SCGB2A1: variants seen among roughly 807,000 people sequenced by gnomAD.
SCGB2A1 encodes mammaglobin-B.
SCGB2A1 carries 6 observed loss-of-function variants against 9.2 expected under a neutral mutation model. The observed-to-expected ratio is 0.66, with a 90% CI of 0.36 to 1.29. SCGB2A1 has a LOEUF of 1.29. SCGB2A1 is among the 50% of genes most tolerant of loss of function. The probability of loss-of-function intolerance (pLI) is 0.03; values close to 1 mark genes in which losing one functional copy is unlikely to be tolerated. For missense variants in SCGB2A1, 138 were observed against 116.9 expected (o/e 1.18, Z -0.83); for synonymous variants, 37 against 41.0 (o/e 0.90, Z 0.37).
At chr11:62,212,800 A>G (rs550315176) in intron 2 of SCGB2A1, among the ~76,000 whole-genome samples, 31 of 151,938 alleles carry the variant, frequency 2.0e-4, no homozygotes, top group African/African-American at 7.2e-4. Context: ...CAGTGGTACA[A>G]TCACAGCTCA....
At chr11:62,211,369 C>T (rs974617884) in intron 2 of SCGB2A1, among the ~76,000 whole-genome samples, 7 of 151,702 alleles carry the variant, frequency 4.6e-5, no homozygotes, top group African/African-American at 7.3e-5. Context: ...TCAGAAAATA[C>T]AATTTGTGCA....
In SCGB2A1 at chr11:62,213,099, TATA is replaced by T. The variant is rs1565121584; in HGVS notation, c.244-626_244-624del. 1.4e-3 allele frequency among the ~76,000 whole-genome samples: 57 copies of T among 42,200 alleles called. 3 individuals carry two copies. The highest frequency in any genetic ancestry group is 2.6e-3 in the African/African-American group (51 of 19,306). The allele number at this position is 42,200 out of a possible 152,430, so 27.7% of individuals were successfully genotyped here. ...ATATACACATATATACACATATATA[TATA>T]TATATTTTTTTTTTTGTAGAGATGG... On this transcript the variant is annotated intron_variant, in intron 2 of 2. Transcript: ENST00000244930.
chr11:62,209,230 A>G (rs1007706872), intron 1 of SCGB2A1, among the ~76,000 whole-genome samples: 2 of 151,968 alleles, frequency 1.3e-5, no homozygotes, highest in Non-Finnish European at 2.9e-5. Flanking sequence ...TGTGTGGCTC[A>G]CTCTGTGTTC....
At chr11:62,210,296 C>A (rs913262989) in intron 1 of SCGB2A1, 117 bp from the exon 2 acceptor site, 2 of 1,265,076 alleles carry the variant, frequency 1.6e-6, no homozygotes, top group East Asian at 2.7e-5. Flanking sequence ...TTCTGAACCT[C>A]GGTCTGTCCC....
intron 2 of SCGB2A1, among the ~76,000 whole-genome samples, chr11:62,211,122 C>T (rs1263222629): frequency 6.6e-6 from 1 of 152,010 alleles, no homozygotes; most frequent in African/African-American, 2.4e-5. Context: ...AGGAGTTTCA[C>T]CATGTTGGCC....
At chr11:62,209,635 A>ATGTGTG (rs60357410) in intron 1 of SCGB2A1, among the ~76,000 whole-genome samples, 16,702 of 141,916 alleles carry the variant, frequency 0.12, 1,057 homozygotes, top group East Asian at 0.27. Context: ...TTTCACATTC[A>ATGTGTG]TGTGTGTGTG....
At chr11:62,208,982 G>A (rs181485398) in intron 1 of SCGB2A1, among the ~76,000 whole-genome samples, 196 bp downstream of exon 1, 1 of 152,150 alleles carries the variant, frequency 6.6e-6, no homozygotes. Flanking sequence ...CTGCATTGGA[G>A]CTGCACACAG....
At chr11:62,211,424 G>A (rs553418186) in intron 2 of SCGB2A1, among the ~76,000 whole-genome samples, 16 of 151,964 alleles carry the variant, frequency 1.1e-4, no homozygotes, top group African/African-American at 3.6e-4. Context: ...TTTTGAGATG[G>A]AGTTTCACTC....
chr11:62,211,807 G>C (rs1311623212), intron 2 of SCGB2A1, among the ~76,000 whole-genome samples: 2 of 152,226 alleles, frequency 1.3e-5, no homozygotes, highest in Admixed American at 6.5e-5. Flanking sequence ...GGGAAGTGCA[G>C]ATTATGGGTA....
rs202114186 is a variant in SCGB2A1, at chr11:62,212,945, TAC to T, written c.244-775_244-774del. On this transcript the variant is annotated intron_variant, in intron 2 of 2. Coordinates refer to ENST00000244930, the MANE Select transcript of SCGB2A1 (RefSeq NM_002407.3). ...ACACACACATATATACACACATATG[TAC>T]ACACATATGTACACATATGTACACA... 1.2e-3 allele frequency among the ~76,000 whole-genome samples: 154 copies of T among 131,246 alleles called. 4 individuals are homozygous for T. The highest frequency in any genetic ancestry group is 3.9e-3 in the African/African-American group (143 of 36,814). The allele number at this position is 131,246 out of a possible 152,430, so 86.1% of individuals were successfully genotyped here.
intron 2 of SCGB2A1, among the ~76,000 whole-genome samples, chr11:62,212,541 A>T (rs148907738): frequency 1.3e-5 from 2 of 152,062 alleles, no homozygotes; most frequent in African/African-American, 4.8e-5. Flanking sequence ...TGGCTGAGGC[A>T]GAAGAATTAC....
intron 2 of SCGB2A1, among the ~76,000 whole-genome samples, chr11:62,212,076 C>A (rs1484950972): frequency 6.6e-6 from 1 of 151,514 alleles, no homozygotes; most frequent in African/African-American, 2.4e-5. Context: ...GCACACAACA[C>A]CACAGCCTGC....
chr11:62,213,106 A>ATATATTTTTTTTTT (rs67975205), intron 2 of SCGB2A1, among the ~76,000 whole-genome samples: 2 of 116,252 alleles, frequency 1.7e-5, no homozygotes, highest in African/African-American at 3.4e-5. Context: ...ATATATATAT[A>ATATATTTTTTTTTT]TTTTTTTTTT....
At chr11:62,212,206 T>G (rs1333780705) in intron 2 of SCGB2A1, among the ~76,000 whole-genome samples, 3 of 152,050 alleles carry the variant, frequency 2.0e-5, no homozygotes, top group Admixed American at 2.0e-4. Context: ...TACATTTTTT[T>G]TTTAAGAATT....
chr11:62,210,548 A>G lies in SCGB2A1; in HGVS notation c.191A>G (p.Gln64Arg). Residue 64 changes from glutamine (Q) to arginine (R), a missense_variant, in exon 2 of 3, where the codon CAG (glutamine) becomes CGG (arginine). Coordinates refer to ENST00000244930, the MANE Select transcript of SCGB2A1 (RefSeq NM_002407.3). ...GCAGAGGCTATGGGGAAATTCAAGC[A>G]GTGTTTCCTCAACCAGTCACATAGA... Reference protein sequence around the residue: ...AAAEAMGKFKQCFLNQSHRTL... With the variant: ...AAAEAMGKFKRCFLNQSHRTL... The G allele has an allele frequency of 6.3e-7, 1 of 1,578,804 alleles. No homozygotes were observed. Among genetic ancestry groups the G allele is most frequent in the South Asian group, 1.2e-5 (1 of 80,424 alleles).
In SCGB2A1 at chr11:62,213,729, A is replaced by G. The variant is rs1944857601; in HGVS notation, c.247A>G (p.Thr83Ala). The G allele has an allele frequency of 1.2e-6, 2 of 1,612,446 alleles. No individual in the cohort carries two copies. The highest frequency in any genetic ancestry group is 1.1e-5 in the South Asian group (1 of 90,498). ...GTGACCTGCTTTTGTTTTCCAGCAT[A>G]CAGTGTACGACAGCATTTGGTGTAA... ...TLKNFGLMMH[T>A]VYDSIWCNMK... Residue 83 changes from threonine (T) to alanine (A), a missense_variant, in exon 3 of 3, where the codon ACA becomes GCA. Physicochemically the swap from Thr to Ala is moderately conservative, Grantham distance 58. Coordinates refer to ENST00000244930, the MANE Select transcript of SCGB2A1 (RefSeq NM_002407.3).
chr11:62,208,850 A>T, intron 1 of SCGB2A1, 64 bp downstream of exon 1: 1 of 1,528,206 alleles, frequency 6.5e-7, no homozygotes. Flanking sequence ...CCTGTAGAAG[A>T]ACTCCCAACC....
intron 2 of SCGB2A1, among the ~76,000 whole-genome samples, chr11:62,211,695 C>T (rs1430464827): frequency 4.0e-5 from 6 of 151,666 alleles, no homozygotes; most frequent in Non-Finnish European, 7.4e-5. Context: ...CCACTGCTCC[C>T]GGCCTAAAAT....
At chr11:62,213,393 G>C (rs3915490) in intron 2 of SCGB2A1, 3,284 of 208,652 alleles carry the variant, frequency 0.016, 103 homozygotes, top group African/African-American at 0.066. Context: ...AGTGGTATCA[G>C]AAACAGTCCA....
Sources: allele counts gnomAD v4.1 joint callset (sites outside exome capture counted in the v4.1 genomes callset), GRCh38; gene constraint gnomAD v4.1.1; transcripts MANE v1.5; gene names NCBI Gene and HGNC (gene_info 2026-07-23, HGNC 2026-07-21).